Variants in DTNA observed in about 807,000 individuals in gnomAD.
DTNA encodes the protein dystrobrevin alpha.
In DTNA, 43 loss-of-function variants were observed where a neutral mutation model predicts 100.7. The ratio of observed to expected loss-of-function variants is 0.43; its 90% CI spans 0.33 to 0.55. The LOEUF is 0.55. DTNA is among the 20% of genes least tolerant of loss of function. The pLI is 0.04. For missense variants in DTNA, 798 were observed against 953.9 expected (o/e 0.84, Z 2.15); for synonymous variants, 349 against 347.9 (o/e 1.00, Z -0.04).
rs370546197 is a variant in DTNA, at chr18:34,851,345, G to A, written c.1435-486G>A. 3.1e-4 allele frequency among the ~76,000 whole-genome samples: 47 copies of A among 152,118 alleles called. No individual in the cohort carries two copies. In the South Asian group the frequency reaches 3.1e-3, roughly 10 times the overall value. On this transcript the variant is annotated intron_variant, in intron 14 of 22. Coordinates refer to ENST00000444659, the MANE Select transcript of DTNA (RefSeq NM_001386795.1). ...TCAAACTCCTGACCACAAGTGATCCGCCCGCCTCAGCCTCCCAAAGTGCTG... is the reference window on the plus strand; with the variant it reads ...TCAAACTCCTGACCACAAGTGATCCACCCGCCTCAGCCTCCCAAAGTGCTG...
chr18:34,745,631 TGTTCCACC>T (rs1487723396), intron 1 of DTNA, among the ~76,000 whole-genome samples: 1 of 152,200 alleles, frequency 6.6e-6, no homozygotes, highest in Non-Finnish European at 1.5e-5. Flanking sequence ...CCACCTTCAC[TGTTCCACC>T]TTAGCCTTTG....
chr18:34,785,561 ATAT>A (rs1381667131), intron 3 of DTNA, among the ~76,000 whole-genome samples: 2 of 152,202 alleles, frequency 1.3e-5, no homozygotes, highest in Non-Finnish European at 2.9e-5. Flanking sequence ...ATCAGAAAGG[ATAT>A]TATTATTCCC....
intron 1 of DTNA, among the ~76,000 whole-genome samples, chr18:34,694,129 GAA>G (rs148951850): frequency 2.0e-5 from 3 of 150,314 alleles, no homozygotes; most frequent in African/African-American, 7.3e-5. Flanking sequence ...CAGTATTTTA[GAA>G]AAAAAAATGA....
At chr18:34,499,638 G>A (rs947252089) in intron 1 of DTNA, among the ~76,000 whole-genome samples, 1 of 152,158 alleles carries the variant, frequency 6.6e-6, no homozygotes, top group African/African-American at 2.4e-5. Context: ...TTTGGCATTT[G>A]GTGTTATTGC....
At chr18:34,497,786 C>G (rs192636302) in intron 1 of DTNA, among the ~76,000 whole-genome samples, 3 of 151,824 alleles carry the variant, frequency 2.0e-5, no homozygotes, top group Admixed American at 2.0e-4. Flanking sequence ...TATGTGAGTG[C>G]TAGACAAAAA....
intron 1 of DTNA, among the ~76,000 whole-genome samples, chr18:34,536,698 G>T (rs1260086059): frequency 6.6e-6 from 1 of 151,802 alleles, no homozygotes; most frequent in Non-Finnish European, 1.5e-5. Context: ...TATCTAATTT[G>T]CATCTAATTT....
At chr18:34,700,659 T>G (rs142285647) in intron 1 of DTNA, among the ~76,000 whole-genome samples, 321 of 152,310 alleles carry the variant, frequency 2.1e-3, no homozygotes, top group African/African-American at 7.6e-3. Flanking sequence ...CAGCAGACCA[T>G]GCTGAAATCC....
intron 15 of DTNA, among the ~76,000 whole-genome samples, chr18:34,852,775 T>G (rs1168656833): frequency 6.6e-6 from 1 of 152,150 alleles, no homozygotes; most frequent in African/African-American, 2.4e-5. Flanking sequence ...GGATGGCTCC[T>G]TCTCATCACT....
intron 2 of DTNA, among the ~76,000 whole-genome samples, chr18:34,761,867 C>T (rs562129013): frequency 2.8e-4 from 42 of 151,858 alleles, no homozygotes; most frequent in African/African-American, 9.4e-4. Flanking sequence ...CCAGATTTAA[C>T]GAATTATATT....
At chr18:34,509,514 AAAT>A (rs1032406199) in intron 1 of DTNA, among the ~76,000 whole-genome samples, 1 of 152,072 alleles carries the variant, frequency 6.6e-6, no homozygotes, top group Non-Finnish European at 1.5e-5. Context: ...AACACTGTAA[AAAT>A]AATGTTTATC....
intron 1 of DTNA, among the ~76,000 whole-genome samples, chr18:34,628,441 T>C (rs1218922972): frequency 6.6e-6 from 1 of 152,240 alleles, no homozygotes; most frequent in East Asian, 1.9e-4. Context: ...TAAAGAAAGC[T>C]AGCCATCAGG....
intron 13 of DTNA, 49 bp from the exon 14 acceptor site, chr18:34,848,247 A>T: frequency 6.3e-7 from 1 of 1,578,526 alleles, no homozygotes; most frequent in Non-Finnish European, 8.7e-7. Context: ...TGACTGCAGC[A>T]ATCTTTCTCA....
upstream of DTNA, chr18:34,709,265 G>T: frequency 6.6e-6 from 1 of 152,344 alleles, no homozygotes; most frequent in Non-Finnish European, 1.5e-5. Flanking sequence ...TCTAAAGAGA[G>T]AAGATAGATA....
chr18:34,660,045 C>T (rs2074969221), intron 1 of DTNA, among the ~76,000 whole-genome samples: 1 of 152,000 alleles, frequency 6.6e-6, no homozygotes, highest in Non-Finnish European at 1.5e-5. Context: ...CTGAGTGTAC[C>T]AAGGAGGGCA....
rs12955378 is a variant in DTNA at position 34,744,529 on chromosome 18, G to A, written c.-1-11447G>A. ...CATTTCCTATAACACACATAGAAAC[G>A]AAGAAGGTGAATAAAGGAACAGAGT... On this transcript the variant is annotated intron_variant, in intron 1 of 22. Coordinates refer to ENST00000444659, the MANE Select transcript of DTNA (RefSeq NM_001386795.1). 8.7e-3 allele frequency among the ~76,000 whole-genome samples: 1,329 copies of A among 152,190 alleles called. 18 individuals carry two copies. Among genetic ancestry groups the A allele is most frequent in the Non-Finnish European group, 0.014 (944 of 67,992 alleles).
At chr18:34,871,405 T>C (rs1446981135) in intron 17 of DTNA, among the ~76,000 whole-genome samples, 1 of 152,242 alleles carries the variant, frequency 6.6e-6, no homozygotes, top group Non-Finnish European at 1.5e-5. Context: ...TTGCCAAGTG[T>C]GATATATGTT....
In DTNA at chr18:34,769,725, C is replaced by CTTTTTTTTTTTTTTTTTTTT. The variant is rs61242937; in HGVS notation, c.148+3699_148+3700insTTTTTTTTTTTTTTTTTTTT. Among the ~76,000 whole-genome samples the CTTTTTTTTTTTTTTTTTTTT allele has an allele frequency of 7.2e-4, 39 of 53,864 alleles. 6 individuals are homozygous for CTTTTTTTTTTTTTTTTTTTT. The highest frequency in any genetic ancestry group is 1.2e-3 in the Admixed American group (4 of 3,304). The allele number at this position is 53,864 out of a possible 152,430, so 35.3% of individuals were successfully genotyped here. On this transcript the variant is annotated intron_variant, in intron 3 of 22. Coordinates refer to ENST00000444659, the MANE Select transcript of DTNA (RefSeq NM_001386795.1). Reference sequence around the variant, plus strand: ...GAAGAAGCAAGGCAGCCCTCTGGGGCTTTTTTTTTTTTTTTGACAGAGTTT... The same window carrying CTTTTTTTTTTTTTTTTTTTT: ...GAAGAAGCAAGGCAGCCCTCTGGGGCTTTTTTTTTTTTTTTTTTTTTTTTTTTTTTTTTTTGACAGAGTTT...
chr18:34,555,249 A>G (rs1435536347), intron 1 of DTNA, among the ~76,000 whole-genome samples: 4 of 144,436 alleles, frequency 2.8e-5, no homozygotes, highest in Non-Finnish European at 6.0e-5. Flanking sequence ...TATTGTGTCT[A>G]TTTGATTCTT....
At chr18:34,625,510 T>C (rs180836651) in intron 1 of DTNA, among the ~76,000 whole-genome samples, 1 of 152,292 alleles carries the variant, frequency 6.6e-6, no homozygotes, top group Admixed American at 6.5e-5. Context: ...AGGTGAAGCA[T>C]TAGGTGCCAC....
Sources: allele counts gnomAD v4.1 joint callset (sites outside exome capture counted in the v4.1 genomes callset), GRCh38; gene constraint gnomAD v4.1.1; transcripts MANE v1.5; gene names NCBI Gene and HGNC (gene_info 2026-07-23, HGNC 2026-07-21).